The following TERF1 variants were observed in gnomAD, a reference collection of about 807,000 sequenced individuals.
The protein encoded by TERF1 is telomeric repeat-binding factor 1.
In TERF1, 20 loss-of-function variants were observed where a neutral mutation model predicts 55.1. The ratio of observed to expected loss-of-function variants is 0.36; its 90% CI spans 0.26 to 0.53. TERF1 has a LOEUF of 0.53. Among genes scored for constraint, TERF1 ranks in the 20% least tolerant of loss-of-function variants. The probability of loss-of-function intolerance (pLI) is 0.91; values close to 1 mark genes in which losing one functional copy is unlikely to be tolerated. For synonymous variants in TERF1, 168 were observed against 181.2 expected, an observed-to-expected ratio of 0.93 and a Z score of 0.59; for missense variants, 439 against 535.7, an observed-to-expected ratio of 0.82 and a Z score of 1.78.
In TERF1 at chr8:73,036,259, G is replaced by C. The variant is rs55838064; in HGVS notation, c.1040-2857G>C. On this transcript the variant is annotated intron_variant, in intron 8 of 9. Coordinates refer to ENST00000276603, the MANE Select transcript of TERF1 (RefSeq NM_017489.3). ...CTGGTCATCATGTTGTGGTTTCCTT[G>C]ACCTGCTTAATTGCCTATCTGACTG... 2.0e-5 allele frequency among the ~76,000 whole-genome samples: 3 copies of C among 152,246 alleles called. No individual in the cohort carries two copies. The East Asian group carries it at 5.8e-4, about 29-fold the overall frequency.
At chr8:73,016,068 T>C (rs1390996546) in intron 2 of TERF1, among the ~76,000 whole-genome samples, 1 of 152,156 alleles carries the variant, frequency 6.6e-6, no homozygotes, top group Non-Finnish European at 1.5e-5. Flanking sequence ...CAGTGAGCTA[T>C]GATCACACCA....
At chr8:73,036,196 A>AAT (rs901070532) in intron 8 of TERF1, among the ~76,000 whole-genome samples, 17 of 152,214 alleles carry the variant, frequency 1.1e-4, no homozygotes, top group African/African-American at 4.1e-4. Flanking sequence ...ACAAATAGCA[A>AAT]ACAAGCCAGT....
chr8:73,030,981 T>C (rs1809258738), intron 7 of TERF1: 2 of 152,302 alleles, frequency 1.3e-5, no homozygotes, highest in African/African-American at 4.8e-5. Flanking sequence ...GTGAGAACAC[T>C]GAAATAATTC....
At chr8:73,035,768 T>G (rs910952181) in intron 8 of TERF1, among the ~76,000 whole-genome samples, 10 of 152,226 alleles carry the variant, frequency 6.6e-5, no homozygotes, top group Admixed American at 5.9e-4. Flanking sequence ...GTTTCCATTT[T>G]CCTGACTGGA....
intron 8 of TERF1, among the ~76,000 whole-genome samples, chr8:73,038,028 G>A (rs945504901): frequency 6.8e-6 from 1 of 146,382 alleles, no homozygotes; most frequent in African/African-American, 2.5e-5. Flanking sequence ...GAATATAGAA[G>A]GCCAGCAGTA....
intron 7 of TERF1, chr8:73,031,095 G>C (rs531822359): frequency 6.6e-6 from 1 of 152,406 alleles, no homozygotes; most frequent in East Asian, 1.9e-4. Context: ...ATACATCTCA[G>C]TGGCATGAAT....
chr8:73,045,196 G>T (rs1345331162), intron 9 of TERF1, among the ~76,000 whole-genome samples: 2 of 152,114 alleles, frequency 1.3e-5, no homozygotes, highest in Non-Finnish European at 2.9e-5. Flanking sequence ...CTTATTTTGT[G>T]TTTTTTTGAT....
At position 73,048,042 on chromosome 8, in the gene TERF1, G is replaced by A. The variant is rs1260003340; in HGVS notation, c.*1905G>A. On this transcript the variant is annotated 3_prime_UTR_variant, in exon 10 of 10. Coordinates refer to ENST00000276603, the MANE Select transcript of TERF1 (RefSeq NM_017489.3). The stretch of plus-strand genomic sequence containing the variant: ...CTATTTTAGATGTATTTAAACATAA[G>A]ATTTTTATCACATAACTTGTGGATA... The A allele has an allele frequency of 1.3e-5, 2 of 152,180 alleles. No homozygotes were observed. Among genetic ancestry groups the A allele is most frequent in the African/African-American group, 4.8e-5 (2 of 41,452 alleles). The allele number at this position is 152,180 out of a possible 1,614,324, so 9.4% of individuals were successfully genotyped here. A position where few individuals can be genotyped will look rare whatever the true frequency, so the allele number is the denominator to read the frequency against.
At chr8:73,044,228 T>C (rs1586073486) in intron 9 of TERF1, among the ~76,000 whole-genome samples, 1 of 152,322 alleles carries the variant, frequency 6.6e-6, no homozygotes, top group East Asian at 1.9e-4. Flanking sequence ...TGAATAGCCA[T>C]GTACTTGTAA....
At chr8:73,043,226 T>G (rs1056824868) in intron 9 of TERF1, 1 of 152,182 alleles carries the variant, frequency 6.6e-6, no homozygotes, top group Admixed American at 6.6e-5. Flanking sequence ...TTCTGTATGA[T>G]GTTTTCAAAA....
At position 73,045,862 on chromosome 8, in the gene TERF1, C is replaced by G. The variant is rs1810008704; in HGVS notation, c.1144-99C>G. 4 of 910,328 alleles carry G rather than the reference C, an allele frequency of 4.4e-6. No homozygotes were observed. In the South Asian group the frequency reaches 1.1e-4, roughly 24 times the overall value. 56.4% of individuals were successfully genotyped at this position (910,328 alleles called of 1,614,324 possible). On this transcript the variant is annotated intron_variant, in intron 9 of 9. Transcript: ENST00000276603. The stretch of plus-strand genomic sequence containing the variant: ...AGAGAAGTCTTCCGTCTTTAAGAAA[C>G]TAAGCATTATTTTGATTTTTTAAAA...
rs1307610609 is a variant in TERF1 at position 73,047,069 on chromosome 8, T to C, written c.*932T>C. On this transcript the variant is annotated 3_prime_UTR_variant, in exon 10 of 10. Transcript: ENST00000276603. ...AGCAAGAGCTGAAAAACTTACCTACTGGGGACTGTGCTCACTACCTGGGTG... is the reference window on the plus strand; with the variant it reads ...AGCAAGAGCTGAAAAACTTACCTACCGGGGACTGTGCTCACTACCTGGGTG... 2.6e-5 allele frequency: 4 copies of C among 152,148 alleles called. No individual in the cohort carries two copies. The highest frequency in any genetic ancestry group is 9.7e-5 in the African/African-American group (4 of 41,424). 9.4% of individuals were successfully genotyped at this position (152,148 alleles called of 1,614,324 possible). A position where few individuals can be genotyped will look rare whatever the true frequency, so the allele number is the denominator to read the frequency against.
Position 73,045,952 on chromosome 8 carries a change from T to C in TERF1, c.1144-9T>C, listed in dbSNP as rs1586075734. On this transcript the variant is annotated splice_polypyrimidine_tract_variant and intron_variant, in intron 9 of 9. Coordinates refer to ENST00000276603, the MANE Select transcript of TERF1 (RefSeq NM_017489.3). ...TTCTGTAAATAACTGTTTTACTTTTTATCAAAAGGCATGGCTTTGGGAAGA... is the reference window on the plus strand; with the variant it reads ...TTCTGTAAATAACTGTTTTACTTTTCATCAAAAGGCATGGCTTTGGGAAGA... 6 of 1,526,660 alleles carry C rather than the reference T, an allele frequency of 3.9e-6. No homozygotes were observed. The East Asian group carries it at 1.5e-4, about 37-fold the overall frequency. 94.6% of individuals were successfully genotyped at this position (1,526,660 alleles called of 1,614,324 possible). A position where few individuals can be genotyped will look rare whatever the true frequency, so the allele number is the denominator to read the frequency against.
chr8:73,012,813 A>G, intron 1 of TERF1: 1 of 421,984 alleles, frequency 2.4e-6, no homozygotes, highest in South Asian at 1.7e-5. Flanking sequence ...TAAAATTTTA[A>G]TTAGTTACTT....
At chr8:73,022,075 T>A in intron 3 of TERF1, 141 bp from the exon 4 acceptor site, 1 of 526,536 alleles carries the variant, frequency 1.9e-6, no homozygotes, top group South Asian at 2.6e-5. Flanking sequence ...TAATTTTATA[T>A]CTTTTATCAA....
intron 8 of TERF1, among the ~76,000 whole-genome samples, chr8:73,033,186 A>G (rs1809366918): frequency 1.3e-5 from 2 of 152,120 alleles, no homozygotes; most frequent in African/African-American, 4.8e-5. Flanking sequence ...TTCATACCTG[A>G]TGGCTGATGA....
chr8:73,020,945 G>A, intron 3 of TERF1, 140 bp downstream of exon 3: 1 of 616,232 alleles, frequency 1.6e-6, no homozygotes, highest in Non-Finnish European at 2.8e-6. Context: ...TTGGTTTATA[G>A]TCTTAACATG....
At position 73,033,944 on chromosome 8, in the gene TERF1, C is replaced by T. The variant is rs140674542; in HGVS notation, c.1039+1811C>T. Reference sequence around the variant, plus strand: ...TTTTGTTTGTGCTAAACCTTTTTTTCTCTTCTTTTTCTGTTTTTGGAGACA... The same window carrying T: ...TTTTGTTTGTGCTAAACCTTTTTTTTTCTTCTTTTTCTGTTTTTGGAGACA... On this transcript the variant is annotated intron_variant, in intron 8 of 9. Transcript: ENST00000276603. 1.6e-3 allele frequency among the ~76,000 whole-genome samples: 250 copies of T among 151,980 alleles called. 1 individual carries two copies. Among genetic ancestry groups the T allele is most frequent in the African/African-American group, 5.8e-3 (242 of 41,470 alleles).
intron 8 of TERF1, among the ~76,000 whole-genome samples, chr8:73,034,260 T>C (rs1193334137): frequency 6.6e-6 from 1 of 152,184 alleles, no homozygotes; most frequent in Admixed American, 6.5e-5. Flanking sequence ...GCCTCCTGAG[T>C]AGCTGGGATT....
Sources: gnomAD v4.1 joint callset for allele counts (sites outside exome capture counted in the v4.1 genomes callset) on GRCh38, gnomAD v4.1.1 for gene constraint, MANE v1.5 for transcripts, NCBI Gene and HGNC (gene_info 2026-07-23, HGNC 2026-07-21) for gene names.